SWAP70: variants seen among roughly 807,000 people sequenced by gnomAD.
SWAP70 encodes switching B cell complex subunit SWAP70.
Under a neutral mutation model 80.2 loss-of-function variants are expected in SWAP70, and 34 were observed. The ratio of observed to expected loss-of-function variants is 0.42; its 90% CI spans 0.32 to 0.56. The LOEUF (loss-of-function observed/expected upper bound fraction) is 0.56. Among genes scored for constraint, SWAP70 ranks in the 20% least tolerant of loss-of-function variants. SWAP70 has a pLI of 0.09. For missense variants in SWAP70, 578 were observed against 690.7 expected, an observed-to-expected ratio of 0.84 and a Z score of 1.83; for synonymous variants, 239 against 238.5, an observed-to-expected ratio of 1.00 and a Z score of -0.02.
At chr11:9,723,575 T>A (rs1202556887) in intron 3 of SWAP70, among the ~76,000 whole-genome samples, 1 of 152,110 alleles carries the variant, frequency 6.6e-6, no homozygotes, top group Non-Finnish European at 1.5e-5. Flanking sequence ...AATGGTGTTA[T>A]TCCTAATGGA....
At chr11:9,732,874 A>G (rs1851318535) in intron 7 of SWAP70, among the ~76,000 whole-genome samples, 164 bp downstream of exon 7, 1 of 152,230 alleles carries the variant, frequency 6.6e-6, no homozygotes. Context: ...CAAGTGAGAC[A>G]TACTGGTTTT....
At position 9,685,857 on chromosome 11, in the gene SWAP70, C is replaced by T. The variant is rs768650302; in HGVS notation, c.100-8289C>T. Among the ~76,000 whole-genome samples the T allele has an allele frequency of 5.9e-4, 90 of 152,262 alleles. 3 individuals are homozygous for T. The highest frequency in any genetic ancestry group is 1.9e-3 in the South Asian group (9 of 4,814). On this transcript the variant is annotated intron_variant, in intron 1 of 11. Coordinates refer to ENST00000318950, the MANE Select transcript of SWAP70 (RefSeq NM_015055.4). ...CCATGTTGGCCAGGATGGCCTCGAT[C>T]TCCTGATCTCGTGATCTACCTTCCT...
At chr11:9,719,411 G>A (rs1320153198) in intron 3 of SWAP70, among the ~76,000 whole-genome samples, 1 of 152,098 alleles carries the variant, frequency 6.6e-6, no homozygotes, top group Non-Finnish European at 1.5e-5. Flanking sequence ...AGCCAGGTGT[G>A]GTGGTGCATG....
At chr11:9,693,350 T>G (rs74895477) in intron 1 of SWAP70, among the ~76,000 whole-genome samples, 1 of 152,346 alleles carries the variant, frequency 6.6e-6, no homozygotes, top group East Asian at 1.9e-4. Context: ...TTAACTACTG[T>G]ACCTGGACTT....
rs564059825 is a variant in SWAP70 at position 9,749,075 on chromosome 11, C to T, written c.1555-12C>T. The T allele has an allele frequency of 6.4e-5, 103 of 1,603,810 alleles. No homozygotes were observed. The highest frequency in any genetic ancestry group is 8.5e-5 in the Non-Finnish European group (100 of 1,172,960). ...GTGTGTCTGCATAGTCCAAAATCCA[C>T]TTTTGTTTCAGGAAGTTAAAAAGAA... On this transcript the variant is annotated splice_polypyrimidine_tract_variant and intron_variant, in intron 10 of 11. Coordinates refer to ENST00000318950, the MANE Select transcript of SWAP70 (RefSeq NM_015055.4).
intron 9 of SWAP70, among the ~76,000 whole-genome samples, chr11:9,742,738 C>G (rs755222799): frequency 2.0e-5 from 3 of 152,092 alleles, no homozygotes; most frequent in Non-Finnish European, 2.9e-5. Context: ...AGGGTTTGTT[C>G]TTTGCTCCTC....
chr11:9,724,600 A>G (rs190019003), intron 3 of SWAP70, 58 bp from the exon 4 acceptor site: 17 of 1,299,698 alleles, frequency 1.3e-5, no homozygotes, highest in African/African-American at 9.0e-5. Flanking sequence ...ACATAAATAC[A>G]TAACTATGTT....
chr11:9,698,196 G>T (rs1307981822), intron 2 of SWAP70, among the ~76,000 whole-genome samples: 1 of 150,406 alleles, frequency 6.6e-6, no homozygotes, highest in Non-Finnish European at 1.5e-5. Context: ...CGCCTCCTGG[G>T]TTCAAGCAAT....
At chr11:9,723,746 C>T (rs886254058) in intron 3 of SWAP70, among the ~76,000 whole-genome samples, 2 of 149,118 alleles carry the variant, frequency 1.3e-5, no homozygotes, top group African/African-American at 4.9e-5. Context: ...TTTTGTTTAA[C>T]TGCTGTTATT....
intron 2 of SWAP70, chr11:9,703,301 T>C (rs1850856683): frequency 2.2e-6 from 1 of 454,094 alleles, no homozygotes; most frequent in Non-Finnish European, 4.4e-6. Context: ...GTTACGGATA[T>C]ACCATGTTTT....
intron 1 of SWAP70, among the ~76,000 whole-genome samples, chr11:9,674,101 G>A (rs946237227): frequency 6.6e-6 from 1 of 151,922 alleles, no homozygotes; most frequent in African/African-American, 2.4e-5. Flanking sequence ...GAGTTTCGCC[G>A]TGTTGGCCAG....
At chr11:9,665,667 A>T (rs1023732760) in intron 1 of SWAP70, among the ~76,000 whole-genome samples, 1 of 152,228 alleles carries the variant, frequency 6.6e-6, no homozygotes, top group African/African-American at 2.4e-5. Flanking sequence ...TTTACCCAGC[A>T]TAATGCCTTA....
intron 1 of SWAP70, among the ~76,000 whole-genome samples, chr11:9,667,524 A>G (rs953383464): frequency 2.0e-5 from 3 of 152,056 alleles, no homozygotes; most frequent in Non-Finnish European, 4.4e-5. Flanking sequence ...AAGTGCTGGT[A>G]TTCAGATATG....
At chr11:9,728,242 C>T (rs769276930) in intron 5 of SWAP70, 43 bp downstream of exon 5, 1 of 1,516,000 alleles carries the variant, frequency 6.6e-7, no homozygotes, top group Non-Finnish European at 8.8e-7. Flanking sequence ...CCCGTGCTGC[C>T]CCCTGATGCT....
chr11:9,692,717 A>G (rs1339326679), intron 1 of SWAP70, among the ~76,000 whole-genome samples: 4 of 152,152 alleles, frequency 2.6e-5, no homozygotes, highest in African/African-American at 7.2e-5. Flanking sequence ...GATCTTTAGT[A>G]TATAGGATTT....
chr11:9,714,730 G>A (rs1437219787), intron 3 of SWAP70, among the ~76,000 whole-genome samples: 1 of 151,928 alleles, frequency 6.6e-6, no homozygotes, highest in East Asian at 1.9e-4. Context: ...AGTGAGGGAG[G>A]TATCCAGCTT....
At chr11:9,669,474 C>G (rs1008512289) in intron 1 of SWAP70, among the ~76,000 whole-genome samples, 2 of 152,214 alleles carry the variant, frequency 1.3e-5, no homozygotes, top group Admixed American at 1.3e-4. Flanking sequence ...AAGTGATCCA[C>G]CTGCCTCGGT....
chr11:9,728,087 A>C lies in SWAP70; in HGVS notation c.677A>C (p.Asn226Thr), dbSNP rs1851249279. The C allele has an allele frequency of 6.2e-7, 1 of 1,611,592 alleles. No individual in the cohort carries two copies. The highest frequency in any genetic ancestry group is 8.5e-7 in the Non-Finnish European group (1 of 1,179,112). ...YMMKKGHRRK[N>T]WTERWFVLKP... ...ATGAAAAAGGGCCACAGACGGAAAA[A>C]CTGGACTGAAAGATGGTTTGTACTA... Residue 226 changes from asparagine to threonine, a missense_variant, in exon 5 of 12, where the codon AAC becomes ACC. Transcript: ENST00000318950.
intron 9 of SWAP70, among the ~76,000 whole-genome samples, chr11:9,745,584 A>G (rs564849621): frequency 1.3e-4 from 20 of 152,320 alleles, no homozygotes; most frequent in Admixed American, 1.3e-3. Flanking sequence ...GGCAGCCTTA[A>G]TGAATGTGAA....
Sources: allele counts gnomAD v4.1 joint callset (sites outside exome capture counted in the v4.1 genomes callset), GRCh38; gene constraint gnomAD v4.1.1; transcripts MANE v1.5; gene names NCBI Gene and HGNC (gene_info 2026-07-23, HGNC 2026-07-21).